The following ASTN2 variants were observed in gnomAD, a reference collection of about 807,000 sequenced individuals.
The protein encoded by ASTN2 is astrotactin 2, also known as astrotactin-2.
ASTN2 carries 54 observed loss-of-function variants against 139.8 expected under a neutral mutation model. That is an observed-to-expected ratio of 0.39 (90% CI 0.31 to 0.48). The LOEUF is 0.48. Among genes scored for constraint, ASTN2 ranks in the 20% least tolerant of loss-of-function variants. The pLI, the probability that ASTN2 is intolerant of heterozygous loss-of-function variation, is 0.95. For missense variants in ASTN2, 1,565 were observed against 1,725.1 expected, an observed-to-expected ratio of 0.91 and a Z score of 1.64; for synonymous variants, 756 against 719.5, an observed-to-expected ratio of 1.05 and a Z score of -0.81.
At chr9:117,378,729 T>C (rs543926834) in intron 1 of ASTN2, among the ~76,000 whole-genome samples, 2 of 152,332 alleles carry the variant, frequency 1.3e-5, no homozygotes, top group South Asian at 4.1e-4. Context: ...ATTCTCTGAA[T>C]ACCTTTGGGT....
chr9:116,493,888 A>G (rs956544313), intron 19 of ASTN2, among the ~76,000 whole-genome samples: 2 of 152,122 alleles, frequency 1.3e-5, no homozygotes, highest in African/African-American at 4.8e-5. Flanking sequence ...GGAAACACCA[A>G]GAGGATTTAG....
intron 10 of ASTN2, among the ~76,000 whole-genome samples, chr9:116,905,173 G>A (rs531467563): frequency 6.6e-6 from 1 of 152,172 alleles, no homozygotes; most frequent in South Asian, 2.1e-4. Flanking sequence ...GCGGGTGGGT[G>A]GGGAGGCAGA....
At chr9:117,168,737 A>G (rs370253616) in intron 3 of ASTN2, among the ~76,000 whole-genome samples, 44 of 152,308 alleles carry the variant, frequency 2.9e-4, no homozygotes, top group African/African-American at 9.1e-4. Context: ...AAAAATACGC[A>G]TTTAATATTT....
At chr9:116,511,989 G>T (rs545630725) in intron 19 of ASTN2, among the ~76,000 whole-genome samples, 1 of 151,872 alleles carries the variant, frequency 6.6e-6, no homozygotes, top group African/African-American at 2.4e-5. Context: ...AGGGTTTTTC[G>T]TGTCTCTAAC....
chr9:116,670,972 A>G (rs1307961388), intron 16 of ASTN2, among the ~76,000 whole-genome samples: 1 of 152,166 alleles, frequency 6.6e-6, no homozygotes, highest in African/African-American at 2.4e-5. Flanking sequence ...AACTCAAGGA[A>G]ATAAACTAGA....
intron 1 of ASTN2, among the ~76,000 whole-genome samples, chr9:117,353,313 C>A (rs2130883655): frequency 6.6e-6 from 1 of 152,258 alleles, no homozygotes; most frequent in East Asian, 1.9e-4. Flanking sequence ...TAGTGCGGTG[C>A]TGTCCAATAG....
chr9:116,703,729 T>TA (rs33973593), intron 16 of ASTN2, among the ~76,000 whole-genome samples: 77,777 of 145,624 alleles, frequency 0.53, 20,976 homozygotes, highest in Non-Finnish European at 0.59. Context: ...AGTATAATAA[T>TA]AAAAAAAAAA....
chr9:117,124,981 G>A (rs972554340), intron 4 of ASTN2, among the ~76,000 whole-genome samples: 1 of 152,152 alleles, frequency 6.6e-6, no homozygotes, highest in African/African-American at 2.4e-5. Flanking sequence ...GATAGTAGGT[G>A]CAAAAATGTG....
chr9:117,368,391 C>T (rs1231772571), intron 1 of ASTN2, among the ~76,000 whole-genome samples: 1 of 152,052 alleles, frequency 6.6e-6, no homozygotes, highest in East Asian at 1.9e-4. Context: ...AGAAACATTG[C>T]CATGGTATTG....
chr9:117,182,986 C>T (rs111795937), intron 3 of ASTN2, among the ~76,000 whole-genome samples: 2,036 of 152,334 alleles, frequency 0.013, 27 homozygotes, highest in Non-Finnish European at 0.022. Context: ...ATCACTTTCT[C>T]TGTTCTTCAG....
In ASTN2 at chr9:116,633,612, C is replaced by T. The variant is rs1588117974; in HGVS notation, c.3073-13169G>A. On this transcript the variant is annotated intron_variant, in intron 17 of 22. Coordinates refer to ENST00000313400, the MANE Select transcript of ASTN2 (RefSeq NM_001365068.1). ...ACTGTGGAGTTTGCATCTCTAAATGCTAGCTTAAGTTAATGGCAAGTTCCT... is the reference window on the plus strand; with the variant it reads ...ACTGTGGAGTTTGCATCTCTAAATGTTAGCTTAAGTTAATGGCAAGTTCCT... Among the ~76,000 whole-genome samples, 6 of 152,324 alleles carry T rather than the reference C, an allele frequency of 3.9e-5. 1 individual carries two copies. The South Asian group carries it at 1.2e-3, about 32-fold the overall frequency.
intron 4 of ASTN2, among the ~76,000 whole-genome samples, chr9:117,106,580 A>C (rs1024002178): frequency 6.6e-6 from 1 of 152,314 alleles, no homozygotes; most frequent in East Asian, 1.9e-4. Flanking sequence ...AAGTCAGTAC[A>C]TATTTATTGT....
chr9:116,918,193 A>G (rs1304806469), intron 10 of ASTN2, among the ~76,000 whole-genome samples: 1 of 152,166 alleles, frequency 6.6e-6, no homozygotes. Context: ...TGTCTTTATC[A>G]GTAGCATATA....
intron 1 of ASTN2, among the ~76,000 whole-genome samples, chr9:117,322,967 T>C (rs2130834305): frequency 6.6e-6 from 1 of 152,268 alleles, no homozygotes; most frequent in Non-Finnish European, 1.5e-5. Context: ...AATTTTTTTT[T>C]CCTTCTACTC....
At chr9:116,617,609 A>T (rs1358610985) in intron 19 of ASTN2, among the ~76,000 whole-genome samples, 1 of 152,174 alleles carries the variant, frequency 6.6e-6, no homozygotes, top group East Asian at 1.9e-4. Flanking sequence ...ACTCTCCTAA[A>T]ATTGTGAGGA....
At chr9:116,508,778 C>T (rs922452576) in intron 19 of ASTN2, among the ~76,000 whole-genome samples, 1 of 152,062 alleles carries the variant, frequency 6.6e-6, no homozygotes, top group African/African-American at 2.4e-5. Flanking sequence ...ATATTCTTTC[C>T]TCAGCATCTC....
At chr9:117,075,040 C>A (rs1828242167) in intron 5 of ASTN2, among the ~76,000 whole-genome samples, 1 of 152,120 alleles carries the variant, frequency 6.6e-6, no homozygotes, top group Admixed American at 6.5e-5. Context: ...ATCATGTAGG[C>A]CAAGAGGGAG....
At chr9:116,490,303 A>AAG (rs1564314423) in intron 19 of ASTN2, among the ~76,000 whole-genome samples, 1 of 104,516 alleles carries the variant, frequency 9.6e-6, no homozygotes, top group African/African-American at 3.4e-5. Context: ...AAAAAAAAAA[A>AAG]GGGGGCATTG....
intron 2 of ASTN2, among the ~76,000 whole-genome samples, chr9:117,240,919 A>G (rs376945987): frequency 6.6e-6 from 1 of 152,132 alleles, no homozygotes; most frequent in Non-Finnish European, 1.5e-5. Flanking sequence ...AAATTTTAGC[A>G]TAAGGCTCAC....
Sources: allele counts gnomAD v4.1 joint callset (sites outside exome capture counted in the v4.1 genomes callset), GRCh38; gene constraint gnomAD v4.1.1; transcripts MANE v1.5; gene names NCBI Gene and HGNC (gene_info 2026-07-23, HGNC 2026-07-21).